WNT5B: variants seen among roughly 807,000 people sequenced by gnomAD.
WNT5B encodes the protein protein Wnt-5b.
WNT5B carries 18 observed loss-of-function variants against 36.5 expected under a neutral mutation model. The ratio of observed to expected loss-of-function variants is 0.49; its 90% confidence interval spans 0.34 to 0.73. The LOEUF is 0.73. WNT5B is among the 30% of genes least tolerant of loss of function. WNT5B has a pLI of 0.01. For missense variants in WNT5B, 424 were observed against 508.4 expected (o/e 0.83, Z 1.60); for synonymous variants, 213 against 212.3 (o/e 1.00, Z -0.03).
intron 3 of WNT5B, among the ~76,000 whole-genome samples, chr12:1,636,542 C>CA (rs2094562029): frequency 2.7e-5 from 2 of 75,130 alleles, no homozygotes; most frequent in African/African-American, 1.1e-4. Context: ...TATATATATA[C>CA]TTTTTTTTTT....
upstream of WNT5B, among the ~76,000 whole-genome samples, chr12:1,625,073 A>G (rs1284602038): frequency 1.3e-5 from 2 of 151,988 alleles, no homozygotes; most frequent in Non-Finnish European, 2.9e-5. Flanking sequence ...GTCTTGGGGG[A>G]AAAGTGGGGT....
chr12:1,627,818 C>A (rs1311921796), upstream of WNT5B, among the ~76,000 whole-genome samples: 1 of 152,112 alleles, frequency 6.6e-6, no homozygotes, highest in East Asian at 1.9e-4. This position sits in a 1 kb window ranked among gnomAD's most constrained non-coding sequence, Gnocchi z 5.0. Context: ...TCCCAAGAAC[C>A]CTACATCAAG....
intron 4 of WNT5B, among the ~76,000 whole-genome samples, chr12:1,642,795 C>CT (rs995236775): frequency 7.2e-5 from 11 of 152,334 alleles, no homozygotes; most frequent in African/African-American, 2.2e-4. Context: ...CCTTCCCTGT[C>CT]TGTCTCCCCG....
In WNT5B at chr12:1,630,222, G is replaced by T; in HGVS notation, c.-58+851G>T. The stretch of plus-strand genomic sequence containing the variant: ...AGCCGGGGCGCGCGGGGCTGCGCTC[G>T]TCAGGTCCGGGGCCCCGGGGAGGCC... On this transcript the variant is annotated intron_variant, in intron 1 of 4. Transcript: ENST00000397196. The surrounding 1 kb of genome is among the most constrained non-coding windows in gnomAD (Gnocchi z 5.3). 1 of 985,356 alleles carries T rather than the reference G, an allele frequency of 1.0e-6. No homozygotes were observed. The highest frequency in any genetic ancestry group is 1.2e-6 in the Non-Finnish European group (1 of 829,914). The allele number at this position is 985,356 out of a possible 1,614,324, so 61.0% of individuals were successfully genotyped here.
intron 1 of WNT5B, 106 bp from the exon 2 acceptor site, chr12:1,631,192 A>T: frequency 2.0e-6 from 2 of 1,010,956 alleles, no homozygotes; most frequent in Middle Eastern, 2.2e-4. Flanking sequence ...TGTGGGGAAC[A>T]CGCAGCACGT....
intron 1 of WNT5B, among the ~76,000 whole-genome samples, chr12:1,617,969 A>G (rs1170898638): frequency 6.6e-6 from 1 of 152,090 alleles, no homozygotes; most frequent in Non-Finnish European, 1.5e-5. Flanking sequence ...GGAGACCCCC[A>G]TCTCCACAAA....
chr12:1,646,539 C>G lies in WNT5B; in HGVS notation c.*287C>G. The G allele has an allele frequency of 5.6e-6, 1 of 179,574 alleles. No individual in the cohort carries two copies. Among genetic ancestry groups the G allele is most frequent in the Non-Finnish European group, 1.2e-5 (1 of 86,292 alleles). The allele number at this position is 179,574 out of a possible 1,614,324, so 11.1% of individuals were successfully genotyped here. The stretch of plus-strand genomic sequence containing the variant: ...GGAAATATTTACTGTCTGTCCACCA[C>G]GGCCTGGAGGAGGGAGGTTGTGGTT... On this transcript the variant is annotated 3_prime_UTR_variant, in exon 5 of 5. Coordinates refer to ENST00000397196, the MANE Select transcript of WNT5B (RefSeq NM_032642.3).
At chr12:1,634,719 C>T (rs2094557359) in intron 3 of WNT5B, among the ~76,000 whole-genome samples, 1 of 152,186 alleles carries the variant, frequency 6.6e-6, no homozygotes, top group African/African-American at 2.4e-5. Context: ...CTCCCTCTCC[C>T]TATCTTGAGA....
Position 1,622,505 on chromosome 12 carries a change from C to G in WNT5B, c.-58+5362C>G, listed in dbSNP as rs77615176. On this transcript the variant is annotated intron_variant, in intron 1 of 4. Coordinates refer to the WNT5B transcript ENST00000310594. ...CTGGGACCAGGAATCTCCAAAATCT[C>G]AATTAGCAGTGGATTCTCAGATAAG... is the stretch of plus-strand genomic sequence containing the variant. Among the ~76,000 whole-genome samples, 437 of 152,268 alleles carry G rather than the reference C, an allele frequency of 2.9e-3. 1 individual carries two copies. The highest frequency in any genetic ancestry group is 0.01 in the African/African-American group (423 of 41,560).
upstream of WNT5B, among the ~76,000 whole-genome samples, chr12:1,627,173 G>GGGAA (rs139405882): frequency 6.6e-6 from 1 of 152,334 alleles, no homozygotes; most frequent in East Asian, 1.9e-4. This position sits in a 1 kb window ranked among gnomAD's most constrained non-coding sequence, Gnocchi z 5.0. Context: ...GGGATGGTCA[G>GGGAA]GGAAGGCATC....
chr12:1,645,073 A>C (rs1001604820), intron 4 of WNT5B: 2 of 152,188 alleles, frequency 1.3e-5, no homozygotes, highest in African/African-American at 4.8e-5. Flanking sequence ...TAACATGGGG[A>C]AAGGGACCAT....
At chr12:1,619,376 A>G (rs767523405) in intron 1 of WNT5B, among the ~76,000 whole-genome samples, 7 of 152,170 alleles carry the variant, frequency 4.6e-5, no homozygotes, top group Admixed American at 2.0e-4. Flanking sequence ...CAAAGCTTGG[A>G]AGGAAGAACT....
At chr12:1,622,467 CAG>C (rs939214257) in intron 1 of WNT5B, among the ~76,000 whole-genome samples, 2 of 152,118 alleles carry the variant, frequency 1.3e-5, no homozygotes, top group Admixed American at 6.5e-5. Context: ...GAGGAAAAGA[CAG>C]AGAGTTATGT....
chr12:1,625,430 G>T (rs1281405110), upstream of WNT5B, among the ~76,000 whole-genome samples: 1 of 152,072 alleles, frequency 6.6e-6, no homozygotes, highest in Admixed American at 6.5e-5. Context: ...TACAGTACGA[G>T]AAATGAGTGG....
chr12:1,639,635 C>G (rs1366759074), intron 3 of WNT5B, 49 bp from the exon 4 acceptor site: 3 of 1,445,668 alleles, frequency 2.1e-6, no homozygotes, highest in Non-Finnish European at 2.7e-6. Context: ...AGGACAGGTC[C>G]CCGGGAGAGG....
At position 1,645,887 on chromosome 12, in the gene WNT5B, C is replaced by T. The variant is rs1262622082; in HGVS notation, c.715C>T (p.Arg239Cys). The T allele has an allele frequency of 1.1e-5, 17 of 1,611,386 alleles. No homozygotes were observed. Among genetic ancestry groups the T allele is most frequent in the Non-Finnish European group, 8.5e-6 (10 of 1,179,600 alleles). Residue 239 changes from arginine to cysteine, a missense_variant, in exon 5 of 5, where the codon CGC becomes TGC. Transcript: ENST00000397196. The part of the protein sequence containing the change: ...KTCWLQLAEF[R>C]KVGDRLKEKY... ...CTGCTGGCTGCAGCTGGCCGAGTTC[C>T]GCAAGGTCGGGGACCGGCTGAAGGA... is the stretch of plus-strand genomic sequence containing the variant.
chr12:1,628,224 T>C (rs146913761), upstream of WNT5B, among the ~76,000 whole-genome samples: 1,655 of 152,062 alleles, frequency 0.011, 36 homozygotes, highest in African/African-American at 0.036. Flanking sequence ...TGTGCTATCT[T>C]GGCTCACTGC....
chr12:1,622,162 G>C (rs1319483492), intron 1 of WNT5B, among the ~76,000 whole-genome samples: 2 of 144,544 alleles, frequency 1.4e-5, no homozygotes, highest in Admixed American at 7.0e-5. Context: ...CCAGGCTGGA[G>C]TGCAGTGGCG....
At chr12:1,622,900 A>G (rs2094535787) in intron 1 of WNT5B, among the ~76,000 whole-genome samples, 1 of 152,202 alleles carries the variant, frequency 6.6e-6, no homozygotes, top group African/African-American at 2.4e-5. Flanking sequence ...TCTTTGGCAG[A>G]GATGGTTAGA....
Sources: allele counts gnomAD v4.1 joint callset (sites outside exome capture counted in the v4.1 genomes callset), GRCh38; gene constraint gnomAD v4.1.1; non-coding constraint Gnocchi (gnomAD v3.1); transcripts MANE v1.5; gene names NCBI Gene and HGNC (gene_info 2026-07-23, HGNC 2026-07-21).